KCNAB2: variants seen among roughly 807,000 people sequenced by gnomAD.
The protein encoded by KCNAB2 is potassium voltage-gated channel subfamily A regulatory beta subunit 2, also known as voltage-gated potassium channel subunit beta-2.
KCNAB2 carries 29 observed loss-of-function variants against 63.6 expected under a neutral mutation model. That is an observed-to-expected ratio of 0.46 (90% CI 0.34 to 0.62). The LOEUF is 0.62. Ranked by LOEUF, KCNAB2 falls within the 20% of genes least tolerant of loss-of-function variation. The pLI is 0.01. For synonymous variants in KCNAB2, 222 were observed against 224.2 expected (o/e 0.99, Z 0.09); for missense variants, 359 against 563.9 (o/e 0.64, Z 3.68).
chr1:6,065,787 G>A (rs1222291865), intron 2 of KCNAB2, among the ~76,000 whole-genome samples: 1 of 152,142 alleles, frequency 6.6e-6, no homozygotes, highest in Admixed American at 6.5e-5. Context: ...AGAGATGTGA[G>A]GGGAGGAGAA....
rs1160096672 is a variant in KCNAB2 at position 5,994,247 on chromosome 1, T to G, written c.-53+1459T>G. 6.6e-6 allele frequency among the ~76,000 whole-genome samples: 1 copy of G among 152,182 alleles called. No individual in the cohort carries two copies. Among genetic ancestry groups the G allele is most frequent in the African/African-American group, 2.4e-5 (1 of 41,450 alleles). On this transcript the variant is annotated intron_variant, in intron 1 of 16. Coordinates refer to the KCNAB2 transcript ENST00000341524. This position sits in a 1 kb window ranked among gnomAD's most constrained non-coding sequence, Gnocchi z 5.4. Reference sequence around the variant, plus strand: ...CTCCTGCTCTGCTAAGGAAGCCGCATTCAGGCCCCGCGTTGCAGGTTGCAG... The same window carrying G: ...CTCCTGCTCTGCTAAGGAAGCCGCAGTCAGGCCCCGCGTTGCAGGTTGCAG...
chr1:6,079,637 G>A (rs1459651759), intron 4 of KCNAB2, among the ~76,000 whole-genome samples: 1 of 152,208 alleles, frequency 6.6e-6, no homozygotes, highest in African/African-American at 2.4e-5. Flanking sequence ...GACACACGGT[G>A]TGACTGCATT....
Position 6,099,811 on chromosome 1 carries a change from G to A in KCNAB2, c.*1237G>A. 2.0e-6 allele frequency: 3 copies of A among 1,521,916 alleles called. No individual in the cohort carries two copies. Among genetic ancestry groups the A allele is most frequent in the Non-Finnish European group, 2.6e-6 (3 of 1,132,556 alleles). The allele number at this position is 1,521,916 out of a possible 1,614,324, so 94.3% of individuals were successfully genotyped here. On this transcript the variant is annotated 3_prime_UTR_variant, in exon 16 of 16. Transcript: ENST00000378083. ...TAGCCCCTCCCACTGCCTGACACCT[G>A]GGACAGGCTGGGCAGAGGGGAGAGA...
At chr1:6,056,783 C>G (rs1661867663) in intron 2 of KCNAB2, among the ~76,000 whole-genome samples, 1 of 152,168 alleles carries the variant, frequency 6.6e-6, no homozygotes, top group Admixed American at 6.6e-5. Flanking sequence ...CTTTCTGTTC[C>G]CTCTTCCTGG....
chr1:6,011,997 G>C (rs1263987859), intron 1 of KCNAB2, among the ~76,000 whole-genome samples: 7 of 152,072 alleles, frequency 4.6e-5, no homozygotes, highest in Admixed American at 3.3e-4. Flanking sequence ...AGAGGGGGCA[G>C]AGGCCATGGT....
At chr1:6,063,313 G>A (rs139254341) in intron 2 of KCNAB2, among the ~76,000 whole-genome samples, 5 of 151,642 alleles carry the variant, frequency 3.3e-5, no homozygotes, top group Non-Finnish European at 5.9e-5. Flanking sequence ...GTGAGCCACC[G>A]TGGATATTTC....
chr1:6,004,686 C>A lies in KCNAB2; in HGVS notation c.-53+11898C>A, dbSNP rs115278582. 2.8e-3 allele frequency among the ~76,000 whole-genome samples: 425 copies of A among 152,020 alleles called. 2 individuals are homozygous for A. Among genetic ancestry groups the A allele is most frequent in the African/African-American group, 9.7e-3 (404 of 41,446 alleles). Reference sequence around the variant, plus strand: ...TAGGGCCCATCCTAATCCAGGATGGCCTCATCGCAGGATTTCCACCTTAAT... The same window carrying A: ...TAGGGCCCATCCTAATCCAGGATGGACTCATCGCAGGATTTCCACCTTAAT... On this transcript the variant is annotated intron_variant, in intron 1 of 16. Transcript: ENST00000341524.
intron 1 of KCNAB2, among the ~76,000 whole-genome samples, chr1:6,020,861 T>C (rs554240225): frequency 1.3e-5 from 2 of 152,280 alleles, no homozygotes; most frequent in South Asian, 4.1e-4. Flanking sequence ...GGTTTCACCA[T>C]GTTGGCCAGG....
intron 2 of KCNAB2, chr1:6,040,665 C>G (rs2294937): frequency 6.7e-7 from 1 of 1,483,958 alleles, no homozygotes; most frequent in Non-Finnish European, 9.4e-7. Context: ...TGCCCCCTCA[C>G]CCAGGCCCCC....
At chr1:6,084,963 C>T (rs12128870) in intron 5 of KCNAB2, among the ~76,000 whole-genome samples, 12,849 of 152,256 alleles carry the variant, frequency 0.084, 699 homozygotes, top group East Asian at 0.17. Context: ...TGCTTAGACA[C>T]GTGTCTGCAG....
intron 8 of KCNAB2, among the ~76,000 whole-genome samples, chr1:6,090,137 C>G (rs1665063012): frequency 6.6e-6 from 1 of 152,226 alleles, no homozygotes; most frequent in Non-Finnish European, 1.5e-5. Context: ...GAGGGGCTTC[C>G]CCTTCATTTA....
upstream of KCNAB2, chr1:6,041,657 G>C (rs551820965): frequency 9.0e-5 from 55 of 607,870 alleles, no homozygotes; most frequent in African/African-American, 8.5e-4. Context: ...CAGAGCACTT[G>C]GCACCGGCTG....
chr1:6,096,028 C>G lies in KCNAB2; in HGVS notation c.948+404C>G, dbSNP rs1000217057. 3 of 459,192 alleles carry G rather than the reference C, an allele frequency of 6.5e-6. No individual in the cohort carries two copies. Among genetic ancestry groups the G allele is most frequent in the Non-Finnish European group, 1.3e-5 (3 of 229,272 alleles). The allele number at this position is 459,192 out of a possible 1,614,324, so 28.4% of individuals were successfully genotyped here. A position where few individuals can be genotyped will look rare whatever the true frequency, so the allele number is the denominator to read the frequency against. ...GGAGGTGACCCTGGGAGAGGCGCCC[C>G]TCCCCACCACACAACCTCTGAGTGG... On this transcript the variant is annotated intron_variant, in intron 13 of 15. Coordinates refer to ENST00000378083, the MANE Select transcript of KCNAB2 (RefSeq NM_001199862.2). This position sits in a 1 kb window ranked among gnomAD's most constrained non-coding sequence, Gnocchi z 5.9.
intron 1 of KCNAB2, among the ~76,000 whole-genome samples, chr1:6,015,895 G>A (rs184953140): frequency 0.015 from 2,279 of 152,052 alleles, 39 homozygotes; most frequent in African/African-American, 0.048. Context: ...TTGTAGAGAC[G>A]GGGTTTTACC....
In KCNAB2 at chr1:6,095,621, G is replaced by A. The variant is rs372832221; in HGVS notation, c.945G>A (p.Leu315=). 6.2e-7 allele frequency: 1 copy of A among 1,613,068 alleles called. No individual in the cohort carries two copies. The highest frequency in any genetic ancestry group is 1.3e-5 in the African/African-American group (1 of 74,932). The change falls in exon 13 of 16, where the codon TTG becomes TTA. Residue 315 remains leucine (L), a synonymous_variant. Coordinates refer to ENST00000378083, the MANE Select transcript of KCNAB2 (RefSeq NM_001199862.2). ...SGIPPYSRAS[L]KGYQWLKDKI... is the part of the protein sequence containing the mutation. ...TCCCACCCTACTCAAGAGCCTCCTT[G>A]AAGGTGAAGGAACAGCCTGGTGGGG... is the stretch of plus-strand genomic sequence containing the variant.
chr1:6,000,497 G>A (rs1012110849), intron 1 of KCNAB2, among the ~76,000 whole-genome samples: 5 of 152,118 alleles, frequency 3.3e-5, no homozygotes, highest in South Asian at 2.1e-4. Flanking sequence ...CAGAGGCTCC[G>A]GGGAGCTGCC....
exon 2 of KCNAB2, chr1:6,040,530 T>TA (rs200252793): frequency 0.011 from 17,811 of 1,588,850 alleles, 163 homozygotes; most frequent in Non-Finnish European, 0.011. Context: ...TTTCCCACTG[T>TA]AAAAAACCGA....
chr1:6,037,409 C>A (rs1435742952), intron 1 of KCNAB2, among the ~76,000 whole-genome samples: 1 of 152,192 alleles, frequency 6.6e-6, no homozygotes, highest in Non-Finnish European at 1.5e-5. Context: ...TATGCAGCAT[C>A]CATGGGAGGG....
At chr1:6,066,652 G>A (rs1185681900) in intron 2 of KCNAB2, among the ~76,000 whole-genome samples, 1 of 152,204 alleles carries the variant, frequency 6.6e-6, no homozygotes, top group Non-Finnish European at 1.5e-5. Flanking sequence ...CCCTCCCCTG[G>A]GCACACAGGC....
Sources: allele counts gnomAD v4.1 joint callset (sites outside exome capture counted in the v4.1 genomes callset), GRCh38; gene constraint gnomAD v4.1.1; non-coding constraint Gnocchi (gnomAD v3.1); transcripts MANE v1.5; gene names NCBI Gene and HGNC (gene_info 2026-07-23, HGNC 2026-07-21).